The following WAC variants were observed in gnomAD, a reference collection of about 807,000 sequenced individuals.
WAC encodes WW domain containing adaptor with coiled-coil, also known as WW domain-containing adapter protein with coiled-coil.
WAC carries 11 observed loss-of-function variants against 79.6 expected under a neutral mutation model. That is an observed-to-expected ratio of 0.14 (90% confidence interval 0.09 to 0.23). WAC has a LOEUF of 0.23. WAC is among the 10% of genes least tolerant of loss of function. The probability of loss-of-function intolerance (pLI) is 1.00; values close to 1 mark genes in which losing one functional copy is unlikely to be tolerated. For synonymous variants in WAC, 304 were observed against 276.9 expected (o/e 1.10, Z -0.97); for missense variants, 728 against 773.5 (o/e 0.94, Z 0.70).
At chr10:28,612,860 AAG>A (rs1329597594) in intron 10 of WAC, among the ~76,000 whole-genome samples, 1 of 152,186 alleles carries the variant, frequency 6.6e-6, no homozygotes, top group African/African-American at 2.4e-5. Context: ...GTTTTGGCAA[AAG>A]AGATGTTATT....
At chr10:28,562,086 C>T (rs898772395) in intron 3 of WAC, among the ~76,000 whole-genome samples, 16 of 152,100 alleles carry the variant, frequency 1.1e-4, no homozygotes, top group African/African-American at 1.9e-4. Flanking sequence ...GATGGAGTCA[C>T]GTGCTCTGTC....
intron 3 of WAC, among the ~76,000 whole-genome samples, chr10:28,560,708 A>C (rs1838255466): frequency 6.6e-6 from 1 of 152,328 alleles, no homozygotes; most frequent in African/African-American, 2.4e-5. Context: ...ACACATGTAA[A>C]TATTTTTGGC....
rs146798691 is a variant in WAC, at chr10:28,617,217, T to C, written c.1747-440T>C. 2.7e-3 allele frequency among the ~76,000 whole-genome samples: 417 copies of C among 152,338 alleles called. 2 individuals are homozygous for C. Among genetic ancestry groups the C allele is most frequent in the African/African-American group, 9.5e-3 (395 of 41,580 alleles). ...AGTTACTGCCATTTGCCTCTTGCTT[T>C]TTATCAGATAACTGACCATCTGGGG... On this transcript the variant is annotated intron_variant, in intron 12 of 13. Transcript: ENST00000354911.
chr10:28,583,790 A>G (rs1469044085), intron 4 of WAC, among the ~76,000 whole-genome samples: 1 of 152,176 alleles, frequency 6.6e-6, no homozygotes, highest in Non-Finnish European at 1.5e-5. Context: ...ATCTGAGATA[A>G]AAAGAACTTC....
At chr10:28,555,667 T>A (rs1221196937) in intron 3 of WAC, among the ~76,000 whole-genome samples, 1 of 152,224 alleles carries the variant, frequency 6.6e-6, no homozygotes, top group African/African-American at 2.4e-5. Context: ...AAATTTTTAT[T>A]TCTTGGAAAC....
At position 28,608,236 on chromosome 10, in the gene WAC, A is replaced by G; in HGVS notation, c.970A>G (p.Thr324Ala). The change falls in exon 8 of 14, where the codon ACG (threonine) becomes GCG (alanine). Residue 324 changes from threonine to alanine, a missense_variant. By Grantham distance (58) the Thr-to-Ala change is moderately conservative. Coordinates refer to ENST00000354911, the MANE Select transcript of WAC (RefSeq NM_016628.5). ...ATCACATTCTTGCACAACTCCTTCC[A>G]CGTCTTCTGCCTCTGGACTGAACCC... is the stretch of plus-strand genomic sequence containing the variant. ...PVSHSCTTPS[T>A]SSASGLNPTS... 6.2e-6 allele frequency: 10 copies of G among 1,614,074 alleles called. No homozygotes were observed. The highest frequency in any genetic ancestry group is 7.6e-6 in the Non-Finnish European group (9 of 1,180,004).
intron 3 of WAC, among the ~76,000 whole-genome samples, chr10:28,563,737 C>T: frequency 9.0e-6 from 1 of 111,078 alleles, no homozygotes; most frequent in African/African-American, 2.8e-5. Flanking sequence ...ATGCTGCCTA[C>T]ACCCAGCTTT....
At position 28,621,331 on chromosome 10, in the gene WAC, T is replaced by C. The variant is rs1841684971; in HGVS notation, c.*1725T>C. The C allele has an allele frequency of 2.0e-5, 3 of 151,802 alleles. No individual in the cohort carries two copies. The South Asian group carries it at 6.3e-4, about 32-fold the overall frequency. The allele number at this position is 151,802 out of a possible 1,614,324, so 9.4% of individuals were successfully genotyped here. On this transcript the variant is annotated 3_prime_UTR_variant, in exon 14 of 14. Coordinates refer to ENST00000354911, the MANE Select transcript of WAC (RefSeq NM_016628.5). Reference sequence around the variant, plus strand: ...TCAATGTTACTACATTCTCGGATGCTAACATAAATTTTGAAATTGCTCTTG... The same window carrying C: ...TCAATGTTACTACATTCTCGGATGCCAACATAAATTTTGAAATTGCTCTTG...
At position 28,544,821 on chromosome 10, in the gene WAC, T is replaced by G. The variant is rs1447888954; in HGVS notation, c.274+9064T>G. Reference sequence around the variant, plus strand: ...GCTCACGCCTGTAATGCCAGCACTTTGGGAGGCCAAGGCGGGCAGATCACC... The same window carrying G: ...GCTCACGCCTGTAATGCCAGCACTTGGGGAGGCCAAGGCGGGCAGATCACC... On this transcript the variant is annotated intron_variant, in intron 3 of 13. Transcript: ENST00000354911. Among the ~76,000 whole-genome samples, 6 of 152,168 alleles carry G rather than the reference T, an allele frequency of 3.9e-5. No individual in the cohort carries two copies. The East Asian group carries it at 1.2e-3, about 29-fold the overall frequency.
In WAC at chr10:28,621,374, G is replaced by T. The variant is rs765025149; in HGVS notation, c.*1768G>T. On this transcript the variant is annotated 3_prime_UTR_variant, in exon 14 of 14. Transcript: ENST00000354911. ...TGCTCTTGTGCTTTAAGCATATATT[G>T]AAAGTATGGAAGTTAAATGTTCAGG... 1 of 151,994 alleles carries T rather than the reference G, an allele frequency of 6.6e-6. No homozygotes were observed. Among genetic ancestry groups the T allele is most frequent in the South Asian group, 2.1e-4 (1 of 4,820 alleles). 9.4% of individuals were successfully genotyped at this position (151,994 alleles called of 1,614,324 possible). A position where few individuals can be genotyped will look rare whatever the true frequency, so the allele number is the denominator to read the frequency against.
chr10:28,603,818 C>T (rs891080433), intron 7 of WAC, among the ~76,000 whole-genome samples: 10 of 150,564 alleles, frequency 6.6e-5, no homozygotes, highest in Non-Finnish European at 8.9e-5. Flanking sequence ...CCTGTAGTCC[C>T]AGCTACTCGG....
intron 3 of WAC, among the ~76,000 whole-genome samples, chr10:28,571,931 C>T (rs1021353344): frequency 3.3e-5 from 5 of 152,224 alleles, no homozygotes; most frequent in African/African-American, 7.2e-5. Flanking sequence ...ATAAAACTTA[C>T]TGTTTTACAC....
At chr10:28,597,827 A>G (rs1322071279) in intron 7 of WAC, among the ~76,000 whole-genome samples, 1 of 152,144 alleles carries the variant, frequency 6.6e-6, no homozygotes, top group African/African-American at 2.4e-5. Context: ...CCACCCATTG[A>G]GAAATCTTGG....
intron 3 of WAC, among the ~76,000 whole-genome samples, chr10:28,561,906 A>T (rs1335204485): frequency 6.6e-6 from 1 of 152,122 alleles, no homozygotes; most frequent in Non-Finnish European, 1.5e-5. Context: ...TTCACCCCAA[A>T]ACCATCAACA....
chr10:28,543,632 A>G lies in WAC; in HGVS notation c.274+7875A>G, dbSNP rs534957868. On this transcript the variant is annotated intron_variant, in intron 3 of 13. Coordinates refer to ENST00000354911, the MANE Select transcript of WAC (RefSeq NM_016628.5). ...GTATGCTTGACTTCTGAAATGCCAT[A>G]TTTATGCAAAGCAAGATTGGAGTTA... Among the ~76,000 whole-genome samples, 41 of 152,352 alleles carry G rather than the reference A, an allele frequency of 2.7e-4. No individual in the cohort carries two copies. In the East Asian group the frequency reaches 6.8e-3, roughly 25 times the overall value.
chr10:28,534,031 C>G lies in WAC; in HGVS notation c.75C>G (p.Tyr25Ter). ...ACCGGAGGGGGGACTCGCAGCCTTA[C>G]CAGGTACCAGCCGAGGCCGGGGTGG... Reference protein sequence around the residue: ...CHDRRGDSQPYQALKYSSKSH... With the variant: ...CHDRRGDSQP Residue 25 changes from tyrosine (Y) to a stop codon, truncating the protein, a stop_gained, in exon 2 of 14, where the codon TAC becomes TAG. Transcript: ENST00000354911. LOFTEE classifies it high-confidence loss of function. 6.3e-7 allele frequency: 1 copy of G among 1,587,060 alleles called. No homozygotes were observed. Among genetic ancestry groups the G allele is most frequent in the Non-Finnish European group, 8.6e-7 (1 of 1,168,056 alleles).
chr10:28,557,270 C>T (rs1264120501), intron 3 of WAC, among the ~76,000 whole-genome samples: 1 of 152,090 alleles, frequency 6.6e-6, no homozygotes, highest in African/African-American at 2.4e-5. Context: ...AATGCATTTT[C>T]AGTGCCAATA....
chr10:28,542,603 G>T (rs978901306), intron 3 of WAC, among the ~76,000 whole-genome samples: 7 of 152,198 alleles, frequency 4.6e-5, no homozygotes, highest in African/African-American at 1.7e-4. Context: ...TGCAGTTCAT[G>T]AATTACTGTA....
chr10:28,533,548 C>G lies in WAC; in HGVS notation c.-32C>G, dbSNP rs771869396. 5.7e-6 allele frequency: 8 copies of G among 1,403,524 alleles called. No homozygotes were observed. Among genetic ancestry groups the G allele is most frequent in the Admixed American group, 2.1e-5 (1 of 47,186 alleles). The allele number at this position is 1,403,524 out of a possible 1,614,324, so 86.9% of individuals were successfully genotyped here. On this transcript the variant is annotated 5_prime_UTR_variant, in exon 1 of 14. Coordinates refer to ENST00000354911, the MANE Select transcript of WAC (RefSeq NM_016628.5). Reference sequence around the variant, plus strand: ...CCGCCTTTCGCGGCCGCTCTCCCCCCTCCCCGACACACACTCACAGGCCGG... The same window carrying G: ...CCGCCTTTCGCGGCCGCTCTCCCCCGTCCCCGACACACACTCACAGGCCGG...
Sources: gnomAD v4.1 joint callset for allele counts (sites outside exome capture counted in the v4.1 genomes callset) on GRCh38, gnomAD v4.1.1 for gene constraint, MANE v1.5 for transcripts, NCBI Gene and HGNC (gene_info 2026-07-23, HGNC 2026-07-21) for gene names.